The following PITPNC1 variants were observed in gnomAD, a reference collection of about 807,000 sequenced individuals.
The protein encoded by PITPNC1 is phosphatidylinositol transfer protein cytoplasmic 1.
A neutral mutation model predicts 44.7 loss-of-function variants in PITPNC1; 18 were observed. That is an observed-to-expected ratio of 0.40 (90% CI 0.28 to 0.60). The LOEUF (loss-of-function observed/expected upper bound fraction) is 0.60. Ranked by LOEUF, PITPNC1 falls within the 20% of genes least tolerant of loss-of-function variation. PITPNC1 has a pLI of 0.39. For missense variants in PITPNC1, 290 were observed against 418.4 expected (o/e 0.69, Z 2.68); for synonymous variants, 141 against 149.6 (o/e 0.94, Z 0.42).
rs76685863 is a variant in PITPNC1 at position 67,674,087 on chromosome 17, T to C, written c.619-1392T>C. 3.0e-3 allele frequency among the ~76,000 whole-genome samples: 462 copies of C among 152,178 alleles called. 2 individuals carry two copies. Among genetic ancestry groups the C allele is most frequent in the African/African-American group, 0.011 (450 of 41,530 alleles). On this transcript the variant is annotated intron_variant, in intron 7 of 8. Coordinates refer to ENST00000581322, the MANE Select transcript of PITPNC1 (RefSeq NM_012417.4). Reference sequence around the variant, plus strand: ...TTAGGGGGTACATGAGATGTTTTCATAAGGCCTGCAATGTGAAATAGGCAC... The same window carrying C: ...TTAGGGGGTACATGAGATGTTTTCACAAGGCCTGCAATGTGAAATAGGCAC...
chr17:67,523,807 GTTTTTTT>G (rs11439767), intron 1 of PITPNC1, among the ~76,000 whole-genome samples: 1 of 125,884 alleles, frequency 7.9e-6, no homozygotes. Flanking sequence ...CATGGAAACC[GTTTTTTT>G]TTTTTTTTTT....
At chr17:67,645,481 C>T (rs1293277207) in intron 6 of PITPNC1, among the ~76,000 whole-genome samples, 1 of 152,090 alleles carries the variant, frequency 6.6e-6, no homozygotes, top group Non-Finnish European at 1.5e-5. Flanking sequence ...TATGCCTTAT[C>T]ACATCTACTA....
At position 67,582,937 on chromosome 17, in the gene PITPNC1, G is replaced by A. The variant is rs149044870; in HGVS notation, c.366+4680G>A. On this transcript the variant is annotated intron_variant, in intron 5 of 8. Transcript: ENST00000581322. Reference sequence around the variant, plus strand: ...TTACTGGTGTTCAATGGGGTTAATGGGGGCAGCCTTGCTACTTTACTTCCT... The same window carrying A: ...TTACTGGTGTTCAATGGGGTTAATGAGGGCAGCCTTGCTACTTTACTTCCT... Among the ~76,000 whole-genome samples the A allele has an allele frequency of 3.3e-3, 499 of 152,306 alleles. 1 individual carries two copies. Among genetic ancestry groups the A allele is most frequent in the African/African-American group, 0.011 (463 of 41,578 alleles).
intron 1 of PITPNC1, among the ~76,000 whole-genome samples, chr17:67,517,018 C>G (rs1432987354): frequency 6.6e-6 from 1 of 152,166 alleles, no homozygotes; most frequent in Non-Finnish European, 1.5e-5. Context: ...CCCTTTCTGT[C>G]AATGCTGTGT....
At chr17:67,501,208 G>A (rs1402860395) in intron 1 of PITPNC1, among the ~76,000 whole-genome samples, 1 of 152,020 alleles carries the variant, frequency 6.6e-6, no homozygotes, top group East Asian at 1.9e-4. Context: ...TTCATGCATC[G>A]CAGTTCGAGT....
At chr17:67,575,571 G>T (rs1025102170) in intron 4 of PITPNC1, among the ~76,000 whole-genome samples, 1 of 152,014 alleles carries the variant, frequency 6.6e-6, no homozygotes, top group Admixed American at 6.6e-5. Flanking sequence ...CTGTCTTCTC[G>T]TGCAGGTGCC....
chr17:67,396,740 C>T (rs1330437255), intron 1 of PITPNC1, among the ~76,000 whole-genome samples: 1 of 152,068 alleles, frequency 6.6e-6, no homozygotes, highest in African/African-American at 2.4e-5. Context: ...TCACTGCTCG[C>T]TGCAGCCTTC....
intron 1 of PITPNC1, among the ~76,000 whole-genome samples, chr17:67,473,139 A>G (rs8081357): frequency 0.51 from 77,372 of 151,882 alleles, 21,543 homozygotes; most frequent in African/African-American, 0.75. Context: ...GCCTCCCAAA[A>G]TGCTGGGAAT....
intron 1 of PITPNC1, among the ~76,000 whole-genome samples, chr17:67,467,811 C>T (rs952999713): frequency 5.9e-5 from 9 of 152,158 alleles, no homozygotes; most frequent in Admixed American, 2.0e-4. Flanking sequence ...TGTAGAAAGC[C>T]GTCCCTGGGA....
At chr17:67,383,757 G>A (rs935511021) in intron 1 of PITPNC1, among the ~76,000 whole-genome samples, 12 of 152,180 alleles carry the variant, frequency 7.9e-5, no homozygotes, top group African/African-American at 2.9e-4. Context: ...TAACCGTTCT[G>A]GCCAGGCGCG....
At chr17:67,580,993 G>A (rs2144236982) in intron 5 of PITPNC1, among the ~76,000 whole-genome samples, 1 of 152,298 alleles carries the variant, frequency 6.6e-6, no homozygotes, top group South Asian at 2.1e-4. Context: ...AGCCTGCAGT[G>A]AACCATGTTT....
chr17:67,583,778 TC>T (rs939566760), intron 5 of PITPNC1, among the ~76,000 whole-genome samples: 5 of 58 alleles, frequency 0.086, no homozygotes, highest in East Asian at 0.33. Context: ...CACTGCAAGC[TC>T]CGGCCTTCCA....
chr17:67,647,464 G>GTTTTTTTTTTTTTTTTTTT (rs60407940), intron 6 of PITPNC1, among the ~76,000 whole-genome samples: 9 of 72,360 alleles, frequency 1.2e-4, no homozygotes, highest in African/African-American at 3.6e-4. Flanking sequence ...CTAATTTTGG[G>GTTTTTTTTTTTTTTTTTTT]TTTTTTTTTT....
intron 6 of PITPNC1, chr17:67,637,859 G>A (rs111585767): frequency 9.2e-5 from 12 of 130,010 alleles, no homozygotes; most frequent in African/African-American, 2.9e-4. Context: ...GGGCAGTGCC[G>A]TATTGTGGGG....
intron 6 of PITPNC1, among the ~76,000 whole-genome samples, chr17:67,653,450 C>A (rs555212141): frequency 6.6e-6 from 1 of 152,290 alleles, no homozygotes; most frequent in South Asian, 2.1e-4. Flanking sequence ...AAGGACCAGT[C>A]CTGATGACAC....
intron 1 of PITPNC1, among the ~76,000 whole-genome samples, chr17:67,389,359 T>G (rs555078898): frequency 6.6e-6 from 1 of 152,366 alleles, no homozygotes; most frequent in African/African-American, 2.4e-5. Flanking sequence ...CTAGGGAGAT[T>G]AGCTGAATTA....
Position 67,669,505 on chromosome 17 carries a change from T to C in PITPNC1, c.463-3T>C, listed in dbSNP as rs201240565. ...TCAATTTCTTTGATTTTTTTTTTTC[T>C]AGGATCCTAAGCACTTCAAGTCAGA... On this transcript the variant is annotated splice_region_variant and splice_polypyrimidine_tract_variant and intron_variant, in intron 6 of 8. Coordinates refer to ENST00000581322, the MANE Select transcript of PITPNC1 (RefSeq NM_012417.4). The C allele has an allele frequency of 0.019, 29,325 of 1,554,490 alleles. 347 individuals are homozygous for C. The highest frequency in any genetic ancestry group is 0.029 in the Middle Eastern group (148 of 5,126).
At chr17:67,482,022 TTG>T (rs2039711704) in intron 1 of PITPNC1, among the ~76,000 whole-genome samples, 1 of 152,198 alleles carries the variant, frequency 6.6e-6, no homozygotes, top group South Asian at 2.1e-4. Context: ...ATAAAACTAT[TTG>T]TGTTTTGTGA....
rs75860838 is a variant in PITPNC1 at position 67,623,672 on chromosome 17, C to T, written c.367-8471C>T. Among the ~76,000 whole-genome samples, 293 of 152,342 alleles carry T rather than the reference C, an allele frequency of 1.9e-3. 4 individuals carry two copies. The East Asian group carries it at 0.054, about 28-fold the overall frequency. The stretch of plus-strand genomic sequence containing the variant: ...GTGCTGGGATTACAGGCATGAGCCA[C>T]CTTGCCCACCTTAGATTTTATTTTC... On this transcript the variant is annotated intron_variant, in intron 5 of 8. Transcript: ENST00000581322.
Sources: allele counts gnomAD v4.1 joint callset (sites outside exome capture counted in the v4.1 genomes callset), GRCh38; gene constraint gnomAD v4.1.1; transcripts MANE v1.5; gene names NCBI Gene and HGNC (gene_info 2026-07-23, HGNC 2026-07-21).